NFX1: variants seen among roughly 807,000 people sequenced by gnomAD.
NFX1 encodes transcriptional repressor NF-X1.
Under a neutral mutation model 137.2 loss-of-function variants are expected in NFX1, and 69 were observed. That is an observed-to-expected ratio of 0.50 (90% CI 0.41 to 0.61). The LOEUF (loss-of-function observed/expected upper bound fraction) is 0.61. Ranked by LOEUF, NFX1 falls within the 20% of genes least tolerant of loss-of-function variation. The probability of loss-of-function intolerance (pLI) is 0.00; values close to 1 mark genes in which losing one functional copy is unlikely to be tolerated. For synonymous variants in NFX1, 495 were observed against 474.1 expected (o/e 1.04, Z -0.57); for missense variants, 1,167 against 1,391.0 (o/e 0.84, Z 2.56).
intron 11 of NFX1, among the ~76,000 whole-genome samples, chr9:33,335,991 G>A (rs1372751776): frequency 6.6e-6 from 1 of 152,094 alleles, no homozygotes; most frequent in African/African-American, 2.4e-5. Flanking sequence ...GTGCTGTTAT[G>A]AACATTTGTA....
rs927991098 is a variant in NFX1, at chr9:33,362,706, T to G, written c.2874-1304T>G. On this transcript the variant is annotated intron_variant, in intron 19 of 23. Coordinates refer to ENST00000379540, the MANE Select transcript of NFX1 (RefSeq NM_002504.6). ...AAGTTCCTGTGGTTTTTTTTTTTTTTTTTTTTTTTTTTTTGAGAAGGAGTT... is the reference window on the plus strand; with the variant it reads ...AAGTTCCTGTGGTTTTTTTTTTTTTGTTTTTTTTTTTTTTGAGAAGGAGTT... 2.8e-5 allele frequency among the ~76,000 whole-genome samples: 4 copies of G among 143,178 alleles called. No homozygotes were observed. In the Middle Eastern group the frequency reaches 0.011, roughly 378 times the overall value. 93.9% of individuals were successfully genotyped at this position (143,178 alleles called of 152,430 possible).
In NFX1 at chr9:33,328,060, G is replaced by A. The variant is rs147969277; in HGVS notation, c.1907-521G>A. Among the ~76,000 whole-genome samples the A allele has an allele frequency of 2.7e-3, 417 of 152,310 alleles. 2 individuals carry two copies. Among genetic ancestry groups the A allele is most frequent in the African/African-American group, 9.5e-3 (396 of 41,564 alleles). On this transcript the variant is annotated intron_variant, in intron 9 of 23. Coordinates refer to ENST00000379540, the MANE Select transcript of NFX1 (RefSeq NM_002504.6). The stretch of plus-strand genomic sequence containing the variant: ...GGGTCTTGCTCTGTCACCTAGACTG[G>A]AGTTCAGTGGTGCGATCACAGTTCA...
intron 5 of NFX1, among the ~76,000 whole-genome samples, chr9:33,308,713 A>G (rs910664149): frequency 6.6e-6 from 1 of 152,220 alleles, no homozygotes. Context: ...GAATTAGTGC[A>G]TCTATGCGGC....
Position 33,294,697 on chromosome 9 carries a change from T to A in NFX1, c.303T>A (p.Leu101=). Residue 101 remains leucine, a synonymous_variant, in exon 2 of 24, where the codon CTT becomes CTA. Coordinates refer to ENST00000379540, the MANE Select transcript of NFX1 (RefSeq NM_002504.6). ...PCNKSPKSHG[L]QNQPWQKLRN... Reference sequence around the variant, plus strand: ...ATAAATCGCCCAAGAGCCATGGCCTTCAGAATCAACCTTGGCAGAAATTGA... The same window carrying A: ...ATAAATCGCCCAAGAGCCATGGCCTACAGAATCAACCTTGGCAGAAATTGA... 2.5e-6 allele frequency: 4 copies of A among 1,614,088 alleles called. No individual in the cohort carries two copies. The highest frequency in any genetic ancestry group is 3.4e-6 in the Non-Finnish European group (4 of 1,180,020).
intron 15 of NFX1, chr9:33,348,439 A>G (rs1029070863): frequency 6.6e-6 from 1 of 152,052 alleles, no homozygotes; most frequent in Non-Finnish European, 1.5e-5. Flanking sequence ...AAAAATCACT[A>G]CTAAGGAACT....
intron 12 of NFX1, among the ~76,000 whole-genome samples, chr9:33,339,001 AT>A (rs992259066): frequency 2.6e-5 from 4 of 152,200 alleles, no homozygotes; most frequent in African/African-American, 9.6e-5. Flanking sequence ...TTATTAGGAC[AT>A]TTTTTAAAAA....
At chr9:33,327,495 G>A (rs1046265765) in intron 9 of NFX1, among the ~76,000 whole-genome samples, 10 of 152,300 alleles carry the variant, frequency 6.6e-5, no homozygotes, top group South Asian at 6.2e-4. Flanking sequence ...CTCCTGAGTC[G>A]CTGGGATTAC....
rs879516355 is a variant in NFX1 at position 33,315,726 on chromosome 9, AC to A, written c.1588+1934del. On this transcript the variant is annotated intron_variant, in intron 7 of 23. Coordinates refer to ENST00000379540, the MANE Select transcript of NFX1 (RefSeq NM_002504.6). ...ACATGGCGAAAACCAGTCTCTAACAACAACAAAAAAAAAAAATTAGCCAGAC... is the reference window on the plus strand; with the variant it reads ...ACATGGCGAAAACCAGTCTCTAACAAAACAAAAAAAAAAAATTAGCCAGAC... 2.5e-3 allele frequency among the ~76,000 whole-genome samples: 326 copies of A among 132,420 alleles called. 20 individuals are homozygous for A. Among genetic ancestry groups the A allele is most frequent in the South Asian group, 5.3e-3 (22 of 4,186 alleles). 86.9% of individuals were successfully genotyped at this position (132,420 alleles called of 152,430 possible).
intron 15 of NFX1, chr9:33,348,813 G>A (rs1292055756): frequency 3.1e-6 from 3 of 982,346 alleles, no homozygotes; most frequent in East Asian, 1.1e-4. Flanking sequence ...ACCACCAGAC[G>A]TGGTACACAT....
At chr9:33,307,359 A>C in intron 5 of NFX1, 60 bp downstream of exon 5, 2 of 1,378,190 alleles carry the variant, frequency 1.5e-6, no homozygotes, top group South Asian at 2.3e-5. Context: ...TGGTGGCTCT[A>C]AGTAAACATA....
intron 21 of NFX1, chr9:33,365,713 CTG>C (rs1158361148): frequency 6.6e-6 from 1 of 152,254 alleles, no homozygotes; most frequent in Non-Finnish European, 1.5e-5. Context: ...AGTTGAGTGA[CTG>C]TGTGGGACAC....
intron 9 of NFX1, among the ~76,000 whole-genome samples, chr9:33,320,601 T>C (rs1447423712): frequency 2.0e-5 from 3 of 152,196 alleles, no homozygotes; most frequent in Non-Finnish European, 4.4e-5. Context: ...AAAAAGCTCA[T>C]TGGAATTAGA....
rs983442287 is a variant in NFX1, at chr9:33,302,657, G to GT, written c.1193-525dup. 7.4e-3 allele frequency among the ~76,000 whole-genome samples: 1,079 copies of GT among 146,766 alleles called. 9 individuals carry two copies. The highest frequency in any genetic ancestry group is 0.026 in the African/African-American group (1,020 of 39,878). On this transcript the variant is annotated intron_variant, in intron 3 of 23. Transcript: ENST00000379540. ...CATGAGCCACCATGCCTAGCTAGTGGTTTTTTTTTGTTTGTTTTTGTTTTT... is the reference window on the plus strand; with the variant it reads ...CATGAGCCACCATGCCTAGCTAGTGGTTTTTTTTTTGTTTGTTTTTGTTTTT...
chr9:33,320,836 C>T (rs936759678), intron 9 of NFX1, among the ~76,000 whole-genome samples: 1 of 152,196 alleles, frequency 6.6e-6, no homozygotes, highest in African/African-American at 2.4e-5. Flanking sequence ...GTTTCCATTT[C>T]ATCAAAAGGA....
intron 2 of NFX1, among the ~76,000 whole-genome samples, chr9:33,298,187 C>T (rs1821426711): frequency 6.6e-6 from 1 of 152,136 alleles, no homozygotes. Context: ...GACAGAGTGA[C>T]AAGAGTGCTA....
intron 19 of NFX1, among the ~76,000 whole-genome samples, chr9:33,361,217 A>G (rs147336848): frequency 6.6e-6 from 1 of 152,384 alleles, no homozygotes; most frequent in East Asian, 1.9e-4. Context: ...ACTATGAGCC[A>G]TGAAGACAGT....
At chr9:33,334,109 C>T (rs1027075104) in intron 11 of NFX1, among the ~76,000 whole-genome samples, 1 of 152,178 alleles carries the variant, frequency 6.6e-6, no homozygotes, top group Admixed American at 6.5e-5. Context: ...CACACCATTG[C>T]TCTCCAGCCT....
chr9:33,338,428 C>A, intron 11 of NFX1, 82 bp from the exon 12 acceptor site: 1 of 1,151,872 alleles, frequency 8.7e-7, no homozygotes, highest in Non-Finnish European at 1.3e-6. Context: ...ATTCTTTGAG[C>A]CTATAGTTAC....
intron 20 of NFX1, 65 bp downstream of exon 20, chr9:33,364,173 C>A: frequency 9.0e-7 from 1 of 1,114,654 alleles, no homozygotes; most frequent in East Asian, 2.4e-5. Flanking sequence ...TTTGAGATGT[C>A]ATAACTAATA....
Sources: allele counts gnomAD v4.1 joint callset (sites outside exome capture counted in the v4.1 genomes callset), GRCh38; gene constraint gnomAD v4.1.1; transcripts MANE v1.5; gene names NCBI Gene and HGNC (gene_info 2026-07-23, HGNC 2026-07-21).